OPN5: variants seen among roughly 807,000 people sequenced by gnomAD.
The protein encoded by OPN5 is opsin 5.
In OPN5, 18 loss-of-function variants were observed where a neutral mutation model predicts 41.7. That is an observed-to-expected ratio of 0.43 (90% CI 0.30 to 0.64). The LOEUF is 0.64. OPN5 is among the 30% of genes least tolerant of loss of function. OPN5 has a pLI of 0.13. For synonymous variants in OPN5, 178 were observed against 164.3 expected, an observed-to-expected ratio of 1.08 and a Z score of -0.64; for missense variants, 318 against 434.5, an observed-to-expected ratio of 0.73 and a Z score of 2.38.
downstream of OPN5, chr6:47,824,761 C>T (rs940685315): frequency 1.3e-5 from 2 of 151,872 alleles, no homozygotes; most frequent in African/African-American, 4.8e-5. Flanking sequence ...TAAAGCTCCT[C>T]GGGATGCTTC....
At chr6:47,801,947 G>T (rs551545683) in intron 4 of OPN5, among the ~76,000 whole-genome samples, 1 of 152,134 alleles carries the variant, frequency 6.6e-6, no homozygotes, top group Non-Finnish European at 1.5e-5. Flanking sequence ...TTTAAACTAG[G>T]AGTCAATCCC....
exon 6 of OPN5, chr6:47,811,696 A>G: frequency 6.2e-7 from 1 of 1,612,730 alleles, no homozygotes; most frequent in East Asian, 2.2e-5. Context: ...AACCACAGTC[A>G]GGAAGTCTTC....
intron 6 of OPN5, among the ~76,000 whole-genome samples, chr6:47,816,375 A>G (rs1018433967): frequency 6.6e-6 from 1 of 152,170 alleles, no homozygotes; most frequent in Non-Finnish European, 1.5e-5. Context: ...ATTGATTTGC[A>G]TATGTCTCTG....
At chr6:47,795,085 A>AG in intron 3 of OPN5, 144 bp from the exon 4 acceptor site, 1 of 647,032 alleles carries the variant, frequency 1.5e-6, no homozygotes, top group Non-Finnish European at 2.6e-6. Context: ...CGTTTACTCC[A>AG]CTCTCCCTCA....
rs73471981 is a variant in OPN5, at chr6:47,811,947, C to T, written c.1056+216C>T. 2,523 of 362,762 alleles carry T rather than the reference C, an allele frequency of 7.0e-3. 52 individuals carry two copies. The highest frequency in any genetic ancestry group is 0.046 in the African/African-American group (2,239 of 48,250). The allele number at this position is 362,762 out of a possible 1,614,324, so 22.5% of individuals were successfully genotyped here. A position where few individuals can be genotyped will look rare whatever the true frequency, so the allele number is the denominator to read the frequency against. ...ATTTAAGGAATATTATCAGGATGAG[C>T]GTCCCTGGAACTTTCTTTTCTCGTA... is the stretch of plus-strand genomic sequence containing the variant. On this transcript the variant is annotated intron_variant, in intron 6 of 6. Transcript: ENST00000371211.
intron 1 of OPN5, among the ~76,000 whole-genome samples, chr6:47,783,938 A>G (rs1450984582): frequency 6.6e-6 from 1 of 152,226 alleles, no homozygotes; most frequent in East Asian, 1.9e-4. Flanking sequence ...AGAGAGGCCT[A>G]TCAGTCCATT....
chr6:47,818,142 G>A lies in OPN5; in HGVS notation c.1057-5841G>A, dbSNP rs111860748. Reference sequence around the variant, plus strand: ...AAAGTGGTATTCACTTCCAATAGCCGCCCGATCCACATATATACACATCCA... The same window carrying A: ...AAAGTGGTATTCACTTCCAATAGCCACCCGATCCACATATATACACATCCA... On this transcript the variant is annotated intron_variant, in intron 6 of 6. Transcript: ENST00000371211. 7.8e-4 allele frequency among the ~76,000 whole-genome samples: 119 copies of A among 152,048 alleles called. 1 individual carries two copies. The South Asian group carries it at 0.016, about 21-fold the overall frequency.
chr6:47,784,074 A>T (rs1773140544), intron 1 of OPN5, among the ~76,000 whole-genome samples: 1 of 152,146 alleles, frequency 6.6e-6, no homozygotes, highest in Non-Finnish European at 1.5e-5. Flanking sequence ...GGGTTTGCTG[A>T]GATGGAGCCA....
In OPN5 at chr6:47,790,249, G is replaced by GA. The variant is rs1773326103; in HGVS notation, c.251-1548dup. ...TTTAAAACAGTGAATTTTTTTCTTT[G>GA]AAAAAGAGCATGACTTAGAAGCTGA... is the stretch of plus-strand genomic sequence containing the variant. On this transcript the variant is annotated intron_variant, in intron 2 of 6. Coordinates refer to ENST00000371211, the Ensembl canonical transcript of OPN5. Among the ~76,000 whole-genome samples, 3 of 151,914 alleles carry GA rather than the reference G, an allele frequency of 2.0e-5. No homozygotes were observed. The South Asian group carries it at 6.2e-4, about 32-fold the overall frequency.
chr6:47,802,568 A>G (rs1445035541), intron 4 of OPN5, among the ~76,000 whole-genome samples: 1 of 152,116 alleles, frequency 6.6e-6, no homozygotes, highest in Non-Finnish European at 1.5e-5. Context: ...AAATGACTAG[A>G]TTTGTTCAAT....
chr6:47,791,761 A>G (rs1773381078), intron 2 of OPN5, 41 bp from the exon 3 acceptor site: 2 of 1,596,790 alleles, frequency 1.3e-6, no homozygotes, highest in Non-Finnish European at 1.7e-6. Context: ...GGGAAATAGT[A>G]ACCAGAGGAA....
intron 2 of OPN5, chr6:47,787,000 C>G (rs1773212905): frequency 4.3e-6 from 4 of 936,426 alleles, no homozygotes; most frequent in Non-Finnish European, 5.1e-6. Context: ...CCTCTTCAAC[C>G]CTTATGGAAG....
chr6:47,796,886 T>C (rs1371473998), intron 4 of OPN5, among the ~76,000 whole-genome samples: 1 of 152,208 alleles, frequency 6.6e-6, no homozygotes, highest in Admixed American at 6.5e-5. Context: ...AGAGATTTAA[T>C]TGACTCACAA....
At chr6:47,784,696 G>A (rs1482699006) in intron 1 of OPN5, among the ~76,000 whole-genome samples, 1 of 152,016 alleles carries the variant, frequency 6.6e-6, no homozygotes, top group Non-Finnish European at 1.5e-5. Flanking sequence ...ACAATGGAAA[G>A]ATAACAATAT....
At chr6:47,810,786 GA>G (rs1394599449) in intron 5 of OPN5, among the ~76,000 whole-genome samples, 2 of 152,140 alleles carry the variant, frequency 1.3e-5, no homozygotes, top group African/African-American at 4.8e-5. Flanking sequence ...GCTCTTTCTG[GA>G]ATGTTATTCT....
At chr6:47,797,165 A>G (rs534923935) in intron 4 of OPN5, among the ~76,000 whole-genome samples, 1 of 152,310 alleles carries the variant, frequency 6.6e-6, no homozygotes, top group South Asian at 2.1e-4. Context: ...GGGGACAGCC[A>G]AACCATATCA....
chr6:47,782,971 A>G (rs1773120956), intron 1 of OPN5, among the ~76,000 whole-genome samples: 1 of 152,132 alleles, frequency 6.6e-6, no homozygotes. Flanking sequence ...AATTAAATAC[A>G]TGTTGAACAT....
chr6:47,805,484 G>C (rs959581370), intron 4 of OPN5, among the ~76,000 whole-genome samples: 1 of 151,968 alleles, frequency 6.6e-6, no homozygotes, highest in Non-Finnish European at 1.5e-5. Flanking sequence ...TGAAATTCTT[G>C]GGTAGAATTT....
chr6:47,802,684 G>A (rs748298546), intron 4 of OPN5, among the ~76,000 whole-genome samples: 2 of 152,030 alleles, frequency 1.3e-5, no homozygotes, highest in African/African-American at 2.4e-5. Context: ...AAGGGCTTTG[G>A]GCCATCTATA....
Sources: allele counts gnomAD v4.1 joint callset (sites outside exome capture counted in the v4.1 genomes callset), GRCh38; gene constraint gnomAD v4.1.1; transcripts MANE v1.5; gene names NCBI Gene and HGNC (gene_info 2026-07-23, HGNC 2026-07-21).